Variants in KIF9 observed in about 807,000 individuals in gnomAD.
KIF9 encodes kinesin family member 9.
Under a neutral mutation model 94.8 loss-of-function variants are expected in KIF9, and 68 were observed. The observed-to-expected ratio is 0.72, with a 90% confidence interval of 0.59 to 0.88. The LOEUF (loss-of-function observed/expected upper bound fraction) is 0.88. KIF9 is among the 40% of genes least tolerant of loss of function. The probability of loss-of-function intolerance (pLI) is 0.00; values close to 1 mark genes in which losing one functional copy is unlikely to be tolerated. For missense variants in KIF9, 882 were observed against 982.5 expected (o/e 0.90, Z 1.37); for synonymous variants, 343 against 362.1 (o/e 0.95, Z 0.60).
chr3:47,270,725 C>T (rs1390460044), intron 5 of KIF9, among the ~76,000 whole-genome samples: 1 of 150,822 alleles, frequency 6.6e-6, no homozygotes, highest in Non-Finnish European at 1.5e-5. Context: ...ATCATTTTTT[C>T]TTTTTATTTA....
At chr3:47,279,622 AT>A (rs1184305219) in intron 1 of KIF9, among the ~76,000 whole-genome samples, 92 of 146,686 alleles carry the variant, frequency 6.3e-4, no homozygotes, top group Non-Finnish European at 6.2e-4. Context: ...ATTTTATTTT[AT>A]TTTTTTTTTT....
chr3:47,233,249 G>C (rs1698744252), intron 20 of KIF9, among the ~76,000 whole-genome samples: 1 of 148,754 alleles, frequency 6.7e-6, no homozygotes, highest in South Asian at 2.1e-4. Flanking sequence ...TGTAGTCCCA[G>C]TTATTCAAGA....
At chr3:47,250,030 T>C (rs1395173495) in intron 10 of KIF9, among the ~76,000 whole-genome samples, 1 of 151,060 alleles carries the variant, frequency 6.6e-6, no homozygotes, top group Non-Finnish European at 1.5e-5. Context: ...GCCTGAGCAA[T>C]AGAGCGAGTC....
At chr3:47,229,960 C>A (rs1698438226) in intron 20 of KIF9, among the ~76,000 whole-genome samples, 3 of 152,198 alleles carry the variant, frequency 2.0e-5, no homozygotes, top group Admixed American at 6.5e-5. Flanking sequence ...TCCTGAACTC[C>A]TCACCTTAAG....
chr3:47,281,155 G>A (rs577571002), intron 1 of KIF9: 2 of 644,386 alleles, frequency 3.1e-6, no homozygotes, highest in East Asian at 5.4e-5. Context: ...GAAGTCAGAG[G>A]GCAGCTGAAT....
chr3:47,236,757 G>A (rs1466951689), intron 17 of KIF9, 138 bp from the exon 18 acceptor site: 1 of 725,380 alleles, frequency 1.4e-6, no homozygotes, highest in Non-Finnish European at 2.3e-6. Context: ...CCATGGCAAG[G>A]AGATGGGCAA....
chr3:47,235,221 TCCTC>T (rs2107061275), intron 20 of KIF9, among the ~76,000 whole-genome samples: 1 of 152,182 alleles, frequency 6.6e-6, no homozygotes, highest in Non-Finnish European at 1.5e-5. Context: ...GTTGGAGAGG[TCCTC>T]CCTGACAGGT....
chr3:47,271,195 G>A (rs200606891), intron 5 of KIF9, 42 bp downstream of exon 5: 1 of 1,353,510 alleles, frequency 7.4e-7, no homozygotes, highest in East Asian at 2.3e-5. Context: ...GGGTGGCAGG[G>A]AGGGAGAGAA....
chr3:47,246,109 G>T lies in KIF9; in HGVS notation c.1289+88C>A. ...TTGGCTCTTCATCCACAAGCAAGAA[G>T]AGGAGCTCTTGGAGGCAAGTGCCCA... is the stretch of plus-strand genomic sequence containing the variant. On this transcript the variant is annotated intron_variant, in intron 13 of 20. Transcript: ENST00000684063. The T allele has an allele frequency of 4.8e-6, 5 of 1,032,842 alleles. No individual in the cohort carries two copies. In the South Asian group the frequency reaches 5.7e-5, roughly 12 times the overall value. The allele number at this position is 1,032,842 out of a possible 1,614,324, so 64.0% of individuals were successfully genotyped here. A position where few individuals can be genotyped will look rare whatever the true frequency, so the allele number is the denominator to read the frequency against.
intron 8 of KIF9, among the ~76,000 whole-genome samples, chr3:47,265,470 G>A (rs1701232196): frequency 6.6e-6 from 1 of 152,202 alleles, no homozygotes; most frequent in Admixed American, 6.5e-5. Flanking sequence ...TGTCTCCTCA[G>A]GACAAGAGGA....
In KIF9 at chr3:47,267,039, C is replaced by T. The variant is rs747922997; in HGVS notation, c.705G>A (p.Lys235=). The change falls in exon 7 of 21, where the codon AAG becomes AAA. Residue 235 remains lysine (K), a synonymous_variant. Coordinates refer to ENST00000684063, the MANE Select transcript of KIF9 (RefSeq NM_182902.4). The stretch of plus-strand genomic sequence containing the variant: ...CCAAGTTAATTTTGGAAGTGATGTA[C>T]TTTTCCTCTGATAAGGTCCGGGAAT... ...EAHSRTLSEE[K]YITSKINLVD... is the part of the protein sequence containing the mutation. 6.2e-7 allele frequency: 1 copy of T among 1,613,898 alleles called. No individual in the cohort carries two copies. The highest frequency in any genetic ancestry group is 1.1e-5 in the South Asian group (1 of 91,074).
At chr3:47,255,905 G>A (rs924175715) in intron 10 of KIF9, among the ~76,000 whole-genome samples, 48 of 143,846 alleles carry the variant, frequency 3.3e-4, no homozygotes, top group South Asian at 6.7e-4. Context: ...GATTGCGGGC[G>A]CGCGCCACCA....
chr3:47,275,120 C>CCTTTTAATCTAT, intron 3 of KIF9: 1 of 502,010 alleles, frequency 2.0e-6, no homozygotes, highest in Non-Finnish European at 3.5e-6. Flanking sequence ...TTTTAATTTT[C>CCTTTTAATCTAT]CTATGAAGGT....
chr3:47,268,422 C>T (rs1414181815), intron 5 of KIF9, among the ~76,000 whole-genome samples: 2 of 151,976 alleles, frequency 1.3e-5, no homozygotes, highest in African/African-American at 4.8e-5. Context: ...GGAGAGCACC[C>T]GCTGAAGAGG....
At chr3:47,236,238 T>C (rs557076310) in intron 18 of KIF9, 89 bp from the exon 19 acceptor site, 1 of 1,107,242 alleles carries the variant, frequency 9.0e-7, no homozygotes, top group East Asian at 2.4e-5. Flanking sequence ...GCTCACCATC[T>C]GTTCACTTCC....
chr3:47,274,127 T>G (rs1163909096), intron 3 of KIF9, among the ~76,000 whole-genome samples: 1 of 151,876 alleles, frequency 6.6e-6, no homozygotes, highest in East Asian at 1.9e-4. Flanking sequence ...AGAGATGGAG[T>G]GGAAAGGGCA....
chr3:47,249,304 C>A (rs540109986), intron 10 of KIF9, among the ~76,000 whole-genome samples: 2 of 152,062 alleles, frequency 1.3e-5, no homozygotes, highest in African/African-American at 4.8e-5. Context: ...TGCCACCACG[C>A]CCGGCTAATT....
intron 20 of KIF9, among the ~76,000 whole-genome samples, chr3:47,232,929 C>T (rs1698709781): frequency 1.4e-5 from 2 of 145,950 alleles, no homozygotes; most frequent in South Asian, 2.2e-4. Flanking sequence ...TGCAGTGAGC[C>T]GAGATCACGC....
At chr3:47,257,380 A>T (rs1193374224) in intron 10 of KIF9, 103 bp downstream of exon 10, 13 of 987,300 alleles carry the variant, frequency 1.3e-5, no homozygotes, top group Non-Finnish European at 2.1e-5. Context: ...CTGCATGGGG[A>T]TCTTTGGTTG....
Sources: gnomAD v4.1 joint callset for allele counts (sites outside exome capture counted in the v4.1 genomes callset) on GRCh38, gnomAD v4.1.1 for gene constraint, MANE v1.5 for transcripts, NCBI Gene and HGNC (gene_info 2026-07-23, HGNC 2026-07-21) for gene names.